Variants in ZNF609 observed in about 807,000 individuals in gnomAD.
The protein encoded by ZNF609 is zinc finger protein 609.
Under a neutral mutation model 109.5 loss-of-function variants are expected in ZNF609, and 11 were observed. That is an observed-to-expected ratio of 0.10 (90% CI 0.06 to 0.17). The LOEUF (loss-of-function observed/expected upper bound fraction) is 0.17, where lower values mean the gene tolerates loss of function less well. ZNF609 is among the 10% of genes least tolerant of loss of function. ZNF609 has a pLI of 1.00. For missense variants in ZNF609, 1,559 were observed against 1,772.4 expected (o/e 0.88, Z 2.16); for synonymous variants, 646 against 662.0 (o/e 0.98, Z 0.37).
chr15:64,675,563 T>C lies in ZNF609; in HGVS notation c.2709T>C (p.Tyr903=), dbSNP rs1265202908. The stretch of plus-strand genomic sequence containing the variant: ...TTGAGAGTTACTATTCTCCAAGTTA[T>C]GCACAGTCCAGCCCTGGGGCTCTGA... ...QGFESYYSPS[Y]AQSSPGALNP... is the part of the protein sequence containing the mutation. Residue 903 remains tyrosine (Y), a synonymous_variant, in exon 5 of 10, where the codon TAT becomes TAC. Coordinates refer to ENST00000326648, the MANE Select transcript of ZNF609 (RefSeq NM_015042.2). 6.2e-7 allele frequency: 1 copy of C among 1,614,170 alleles called. No homozygotes were observed. The highest frequency in any genetic ancestry group is 1.1e-5 in the South Asian group (1 of 91,084).
intron 2 of ZNF609, among the ~76,000 whole-genome samples, chr15:64,588,311 C>A (rs1402652933): frequency 6.7e-6 from 1 of 148,692 alleles, no homozygotes. Context: ...CACCTGTAGT[C>A]CCAGCTACTT....
Position 64,675,505 on chromosome 15 carries a change from C to T in ZNF609, c.2651C>T (p.Pro884Leu), listed in dbSNP as rs1896795549. ...GAKKTLFPPQ[P>L]QSKDSPYYQG... The stretch of plus-strand genomic sequence containing the variant: ...AAGAAAACTCTTTTTCCCCCTCAGC[C>T]TCAGAGCAAAGACTCACCATATTAC... Residue 884 changes from proline to leucine, a missense_variant, in exon 5 of 10, where the codon CCT becomes CTT. Physicochemically the swap from Pro to Leu is moderately conservative, Grantham distance 98. Coordinates refer to ENST00000326648, the MANE Select transcript of ZNF609 (RefSeq NM_015042.2). 3.1e-6 allele frequency: 5 copies of T among 1,614,018 alleles called. No homozygotes were observed. Among genetic ancestry groups the T allele is most frequent in the Non-Finnish European group, 4.2e-6 (5 of 1,180,044 alleles).
chr15:64,662,716 A>C (rs1425123316), intron 3 of ZNF609, among the ~76,000 whole-genome samples: 1 of 151,898 alleles, frequency 6.6e-6, no homozygotes, highest in East Asian at 1.9e-4. Flanking sequence ...CCCAGACGGG[A>C]GTGCAGTGGC....
chr15:64,570,851 C>T (rs1370442360), intron 2 of ZNF609, among the ~76,000 whole-genome samples: 1 of 152,004 alleles, frequency 6.6e-6, no homozygotes, highest in Non-Finnish European at 1.5e-5. Context: ...CATAGCAAAA[C>T]CTCGTCTCTA....
At chr15:64,525,272 A>G (rs551844227) in intron 2 of ZNF609, among the ~76,000 whole-genome samples, 1 of 152,218 alleles carries the variant, frequency 6.6e-6, no homozygotes. Flanking sequence ...TGAAGTAGGG[A>G]TCCAGCTTTA....
At chr15:64,539,163 CTTATTTATTTATTTATTTAT>C (rs753926623) in intron 2 of ZNF609, among the ~76,000 whole-genome samples, 43 of 135,416 alleles carry the variant, frequency 3.2e-4, no homozygotes, top group African/African-American at 9.6e-4. Context: ...GCCACCATGC[CTTATTTATTTATTTATTTAT>C]TTATTTATTT....
intron 2 of ZNF609, among the ~76,000 whole-genome samples, chr15:64,567,696 C>T (rs1411232673): frequency 3.3e-5 from 5 of 151,756 alleles, no homozygotes; most frequent in South Asian, 4.2e-4. Context: ...GGATCTCGCT[C>T]GGTCACCCAG....
chr15:64,588,729 C>T (rs574190077), intron 2 of ZNF609, among the ~76,000 whole-genome samples: 4 of 151,200 alleles, frequency 2.6e-5, no homozygotes, highest in Admixed American at 6.6e-5. Flanking sequence ...AACTCTGCCT[C>T]CAGGGTTCAA....
At chr15:64,484,723 C>T (rs949262283) in intron 1 of ZNF609, among the ~76,000 whole-genome samples, 30 of 139,960 alleles carry the variant, frequency 2.1e-4, no homozygotes, top group African/African-American at 7.5e-4. Flanking sequence ...TGCCTGTAAT[C>T]CCAGCACTTT....
chr15:64,642,449 T>C (rs1437325640), intron 3 of ZNF609, among the ~76,000 whole-genome samples: 1 of 152,046 alleles, frequency 6.6e-6, no homozygotes, highest in Non-Finnish European at 1.5e-5. Context: ...TCTCCCAAAG[T>C]GCTGAGATTA....
Position 64,674,200 on chromosome 15 carries a change from A to T in ZNF609, c.1346A>T (p.Glu449Val). The T allele has an allele frequency of 6.2e-7, 1 of 1,614,142 alleles. No homozygotes were observed. The highest frequency in any genetic ancestry group is 8.5e-7 in the Non-Finnish European group (1 of 1,180,018). ...AAAAACAAACCCCTTTCAGACATGG[A>T]GCTGAATTCTAGCTCAGAGGACTCC... ...KRKNKPLSDM[E>V]LNSSSEDSKG... The change falls in exon 5 of 10, where the codon GAG (glutamate) becomes GTG (valine). Residue 449 changes from glutamate (E) to valine (V), a missense_variant. Transcript: ENST00000326648.
chr15:64,526,425 C>T (rs961756723), intron 2 of ZNF609, among the ~76,000 whole-genome samples: 2 of 152,066 alleles, frequency 1.3e-5, no homozygotes, highest in Non-Finnish European at 1.5e-5. Context: ...CTTACAACCT[C>T]GATGTCTTTT....
rs1896864948 is a variant in ZNF609, at chr15:64,680,313, G to A, written c.3898G>A (p.Asp1300Asn). 12 of 1,614,176 alleles carry A rather than the reference G, an allele frequency of 7.4e-6. No homozygotes were observed. The highest frequency in any genetic ancestry group is 1.0e-5 in the Non-Finnish European group (12 of 1,180,032). Residue 1300 changes from aspartate to asparagine, a missense_variant, in exon 7 of 10, where the codon GAC (aspartate) becomes AAC (asparagine). By Grantham distance (23) the Asp-to-Asn change is conservative. Transcript: ENST00000326648. ...ATCCAGCTCAGAGTCCAAAGCCCTG[G>A]ACATCTTGCAGCAGCATGCCAGTCA... ...CKSSSESKAL[D>N]ILQQHASHYK...
At chr15:64,572,080 T>C (rs1244349516) in intron 2 of ZNF609, among the ~76,000 whole-genome samples, 1 of 152,048 alleles carries the variant, frequency 6.6e-6, no homozygotes, top group Non-Finnish European at 1.5e-5. Context: ...TATGCAAAAG[T>C]TGAGAAAGGG....
At chr15:64,489,248 C>A (rs748015670) in intron 1 of ZNF609, among the ~76,000 whole-genome samples, 1 of 149,222 alleles carries the variant, frequency 6.7e-6, no homozygotes, top group Non-Finnish European at 1.5e-5. Flanking sequence ...TGCAGTGGCG[C>A]GATCTTGGCT....
chr15:64,617,363 G>A (rs566289535), intron 2 of ZNF609, among the ~76,000 whole-genome samples: 1 of 152,094 alleles, frequency 6.6e-6, no homozygotes, highest in South Asian at 2.1e-4. Context: ...GCATGGTGGT[G>A]CACGTGTAGT....
chr15:64,547,134 C>T (rs1376554041), intron 2 of ZNF609, among the ~76,000 whole-genome samples: 2 of 114,854 alleles, frequency 1.7e-5, no homozygotes, highest in Non-Finnish European at 3.3e-5. Context: ...TTTAAAATTT[C>T]ATTTTTCATT....
intron 2 of ZNF609, among the ~76,000 whole-genome samples, chr15:64,541,027 CAAAAAAAA>C (rs1287975678): frequency 1.1e-4 from 6 of 53,716 alleles, no homozygotes; most frequent in Admixed American, 1.9e-4. Flanking sequence ...GACTCTGTCT[CAAAAAAAA>C]AAAAAAAAAA....
intron 3 of ZNF609, among the ~76,000 whole-genome samples, chr15:64,623,776 G>A (rs1895912738): frequency 6.6e-6 from 1 of 151,990 alleles, no homozygotes. Flanking sequence ...GACTTAATGG[G>A]GTATTTCAGA....
Sources: gnomAD v4.1 joint callset for allele counts (sites outside exome capture counted in the v4.1 genomes callset) on GRCh38, gnomAD v4.1.1 for gene constraint, MANE v1.5 for transcripts, NCBI Gene and HGNC (gene_info 2026-07-23, HGNC 2026-07-21) for gene names.